Variants in NRG1 observed in about 807,000 individuals in gnomAD.
NRG1 encodes the protein neuregulin 1.
NRG1 carries 18 observed loss-of-function variants against 63.8 expected under a neutral mutation model. That is an observed-to-expected ratio of 0.28 (90% CI 0.19 to 0.42). NRG1 has a LOEUF of 0.42. NRG1 is among the 10% of genes least tolerant of loss of function. NRG1 has a pLI of 1.00. For synonymous variants in NRG1, 302 were observed against 301.3 expected (o/e 1.00, Z -0.02); for missense variants, 762 against 814.7 (o/e 0.94, Z 0.79).
intron 1 of NRG1, among the ~76,000 whole-genome samples, chr8:31,681,940 C>G (rs890975128): frequency 6.6e-6 from 1 of 152,068 alleles, no homozygotes; most frequent in East Asian, 1.9e-4. Flanking sequence ...ATTAATGAAC[C>G]TATGCTGCTG....
chr8:32,735,570 A>C (rs1824812614), intron 6 of NRG1, among the ~76,000 whole-genome samples: 1 of 152,200 alleles, frequency 6.6e-6, no homozygotes, highest in African/African-American at 2.4e-5. Flanking sequence ...CGAGACAGGG[A>C]AACTTCCTCA....
At chr8:31,675,829 T>C (rs1807636830) in intron 1 of NRG1, among the ~76,000 whole-genome samples, 1 of 152,170 alleles carries the variant, frequency 6.6e-6, no homozygotes, top group Non-Finnish European at 1.5e-5. Flanking sequence ...ATTCCTCTTT[T>C]ACAGGTGAAG....
intron 1 of NRG1, among the ~76,000 whole-genome samples, chr8:32,207,712 G>GA (rs1844220734): frequency 1.3e-5 from 2 of 152,242 alleles, no homozygotes; most frequent in South Asian, 4.1e-4. Flanking sequence ...TAGACAGTTT[G>GA]AAAAAAGAAA....
chr8:31,851,969 T>A (rs1827279177), intron 1 of NRG1, among the ~76,000 whole-genome samples: 1 of 150,874 alleles, frequency 6.6e-6, no homozygotes, highest in South Asian at 2.1e-4. Context: ...TAGTATTCCA[T>A]GGTGTATATG....
At chr8:31,739,797 A>G (rs769618606) in intron 1 of NRG1, among the ~76,000 whole-genome samples, 2 of 151,750 alleles carry the variant, frequency 1.3e-5, no homozygotes, top group Non-Finnish European at 2.9e-5. Context: ...TCTTCTAGCT[A>G]TTTTTTTTCT....
At chr8:32,322,093 A>G (rs910793474) in intron 1 of NRG1, among the ~76,000 whole-genome samples, 2 of 151,982 alleles carry the variant, frequency 1.3e-5, no homozygotes, top group African/African-American at 4.8e-5. Context: ...TGGGAAGATC[A>G]CTTGAGCCTG....
chr8:31,884,547 C>T (rs1221794632), intron 1 of NRG1, among the ~76,000 whole-genome samples: 1 of 152,092 alleles, frequency 6.6e-6, no homozygotes, highest in African/African-American at 2.4e-5. Context: ...GTCAATGTGA[C>T]CACTCCCTTT....
chr8:32,255,030 G>A (rs1849534532), intron 1 of NRG1, among the ~76,000 whole-genome samples: 1 of 151,912 alleles, frequency 6.6e-6, no homozygotes, highest in Non-Finnish European at 1.5e-5. Flanking sequence ...GCTTTTTCTT[G>A]CTTTCCATAT....
intron 1 of NRG1, among the ~76,000 whole-genome samples, chr8:32,482,119 C>T (rs1015812873): frequency 2.6e-5 from 4 of 152,058 alleles, no homozygotes; most frequent in African/African-American, 4.8e-5. Context: ...GAATTAAGCA[C>T]CTGCAATCAA....
chr8:31,930,867 G>A (rs770926090), intron 1 of NRG1, among the ~76,000 whole-genome samples: 21 of 152,102 alleles, frequency 1.4e-4, no homozygotes, highest in Non-Finnish European at 2.2e-4. Context: ...TTTTCCAAAT[G>A]TTCTTTTGCT....
At chr8:31,653,046 T>C (rs1433722580) in intron 1 of NRG1, among the ~76,000 whole-genome samples, 1 of 124,800 alleles carries the variant, frequency 8.0e-6, no homozygotes, top group Non-Finnish European at 1.7e-5. Flanking sequence ...TCCCCTCCTC[T>C]CCTCTCCTCT....
At position 31,641,929 on chromosome 8, in the gene NRG1, T is replaced by G. The variant is rs149374742; in HGVS notation, c.37+2498T>G. Among the ~76,000 whole-genome samples the G allele has an allele frequency of 3.4e-3, 513 of 152,312 alleles. 4 individuals carry two copies. The highest frequency in any genetic ancestry group is 0.012 in the African/African-American group (479 of 41,584). ...ATTTCTGGTTGGCATTTGTGGTGGT[T>G]AAGTCCTGCTGTTAATTAATACCTG... On this transcript the variant is annotated intron_variant, in intron 1 of 10. Coordinates refer to the NRG1 transcript ENST00000519301.
At chr8:32,261,681 C>A (rs1434695778) in intron 1 of NRG1, among the ~76,000 whole-genome samples, 1 of 152,198 alleles carries the variant, frequency 6.6e-6, no homozygotes, top group East Asian at 1.9e-4. Flanking sequence ...CTCCACTCCC[C>A]CCTTGTATTG....
intron 1 of NRG1, among the ~76,000 whole-genome samples, chr8:32,326,247 A>G (rs1801999252): frequency 6.9e-6 from 1 of 145,640 alleles, no homozygotes; most frequent in Non-Finnish European, 1.5e-5. Flanking sequence ...TGGCCTTGTG[A>G]TCTGCCGACC....
intron 1 of NRG1, among the ~76,000 whole-genome samples, chr8:32,023,133 T>A (rs936847961): frequency 6.6e-6 from 1 of 152,230 alleles, no homozygotes; most frequent in Non-Finnish European, 1.5e-5. Flanking sequence ...TCTCAGGGAA[T>A]CATTAGAGCT....
Position 32,222,030 on chromosome 8 carries a change from T to C in NRG1, c.38-373798T>C, listed in dbSNP as rs867563655. Among the ~76,000 whole-genome samples the C allele has an allele frequency of 1.1e-3, 50 of 43,556 alleles. No homozygotes were observed. The Middle Eastern group carries it at 0.074, about 65-fold the overall frequency. 28.6% of individuals were successfully genotyped at this position (43,556 alleles called of 152,430 possible). On this transcript the variant is annotated intron_variant, in intron 1 of 10. Coordinates refer to the NRG1 transcript ENST00000519301. ...AAGCTAAAGTGTCTATATGGAAACA[T>C]ACATACACACACACACACACACACA...
intron 1 of NRG1, among the ~76,000 whole-genome samples, chr8:32,501,431 A>C (rs1237247716): frequency 6.6e-6 from 1 of 152,220 alleles, no homozygotes; most frequent in Non-Finnish European, 1.5e-5. Context: ...ATATTAAATA[A>C]GCTCATCTCT....
At chr8:32,285,706 C>T (rs142644044) in intron 1 of NRG1, among the ~76,000 whole-genome samples, 259 of 152,146 alleles carry the variant, frequency 1.7e-3, no homozygotes, top group Non-Finnish European at 2.9e-3. Flanking sequence ...GATGAGGTTC[C>T]GTATGCCTCA....
Position 31,717,944 on chromosome 8 carries a change from G to A in NRG1, c.37+78513G>A, listed in dbSNP as rs191798059. Reference sequence around the variant, plus strand: ...ACTGTGTTAATGCTGTGATTAATGCGTCTTTTAGTCTTGTATGTGTGTGTA... The same window carrying A: ...ACTGTGTTAATGCTGTGATTAATGCATCTTTTAGTCTTGTATGTGTGTGTA... On this transcript the variant is annotated intron_variant, in intron 1 of 10. Transcript: ENST00000519301. Among the ~76,000 whole-genome samples, 227 of 152,240 alleles carry A rather than the reference G, an allele frequency of 1.5e-3. 3 individuals are homozygous for A. The highest frequency in any genetic ancestry group is 5.1e-3 in the African/African-American group (212 of 41,546).
Sources: allele counts gnomAD v4.1 joint callset (sites outside exome capture counted in the v4.1 genomes callset), GRCh38; gene constraint gnomAD v4.1.1; transcripts MANE v1.5; gene names NCBI Gene and HGNC (gene_info 2026-07-23, HGNC 2026-07-21).